The following PCDHA11 variants were observed in gnomAD, a reference collection of about 807,000 sequenced individuals.
The protein encoded by PCDHA11 is protocadherin alpha 11.
PCDHA11 carries 61 observed loss-of-function variants against 70.3 expected under a neutral mutation model. That is an observed-to-expected ratio of 0.87 (90% confidence interval 0.71 to 1.07). The LOEUF (loss-of-function observed/expected upper bound fraction) is 1.07, where lower values mean the gene tolerates loss of function less well. PCDHA11 is among the 50% of genes least tolerant of loss of function. The pLI, the probability that PCDHA11 is intolerant of heterozygous loss-of-function variation, is 0.00. For synonymous variants in PCDHA11, 633 were observed against 555.1 expected, an observed-to-expected ratio of 1.14 and a Z score of -1.97; for missense variants, 1,324 against 1,237.5, an observed-to-expected ratio of 1.07 and a Z score of -1.05.
chr5:140,951,544 G>T (rs543008494), intron 1 of PCDHA11, among the ~76,000 whole-genome samples: 1 of 151,878 alleles, frequency 6.6e-6, no homozygotes, highest in Non-Finnish European at 1.5e-5. Flanking sequence ...AGCAAGGGAC[G>T]GGGGGAAGTG....
intron 1 of PCDHA11, chr5:140,883,801 C>T (rs782690228): frequency 4.3e-6 from 7 of 1,612,430 alleles, no homozygotes; most frequent in Non-Finnish European, 5.9e-6. Context: ...TGTCGGTGCA[C>T]GCGGAGAGCG....
chr5:140,962,764 T>C (rs946789298), intron 1 of PCDHA11, among the ~76,000 whole-genome samples: 7 of 152,226 alleles, frequency 4.6e-5, no homozygotes, highest in African/African-American at 1.7e-4. Flanking sequence ...TATTCGTTTT[T>C]AACAAGATGG....
At chr5:140,989,171 G>A (rs2097331816) in intron 3 of PCDHA11, among the ~76,000 whole-genome samples, 1 of 152,116 alleles carries the variant, frequency 6.6e-6, no homozygotes, top group African/African-American at 2.4e-5. Flanking sequence ...GCATAAAACA[G>A]GAGAGTTTCT....
At position 140,877,266 on chromosome 5, in the gene PCDHA11, C is replaced by A. The variant is rs2056980298; in HGVS notation, c.2391+5772C>A. The A allele has an allele frequency of 4.3e-6, 7 of 1,613,808 alleles. No individual in the cohort carries two copies. The South Asian group carries it at 5.5e-5, about 13-fold the overall frequency. ...TGGTGGCGAAAGTGCGCGCGGTGGA[C>A]GCTGACTCCGGCTATAACGCTTGGC... On this transcript the variant is annotated intron_variant, in intron 1 of 3. Transcript: ENST00000398640.
chr5:140,977,077 C>A (rs1303374839), intron 1 of PCDHA11, among the ~76,000 whole-genome samples: 1 of 152,138 alleles, frequency 6.6e-6, no homozygotes, highest in Non-Finnish European at 1.5e-5. Context: ...AGCAGCATGA[C>A]AAATTAAATG....
At chr5:141,007,329 TTGCCTGAGCTCAG>T (rs1554261175) in intron 3 of PCDHA11, among the ~76,000 whole-genome samples, 2 of 149,734 alleles carry the variant, frequency 1.3e-5, no homozygotes. Context: ...AGTGGACAGA[TTGCCTGAGCTCAG>T]GAGTTCGAGA....
intron 1 of PCDHA11, among the ~76,000 whole-genome samples, chr5:140,889,476 C>G (rs2062241146): frequency 6.6e-6 from 1 of 152,054 alleles, no homozygotes; most frequent in South Asian, 2.1e-4. Flanking sequence ...TATGCTCATA[C>G]TTTCTACAGA....
intron 1 of PCDHA11, chr5:140,929,563 G>A: frequency 2.1e-6 from 1 of 470,088 alleles, no homozygotes; most frequent in Non-Finnish European, 3.6e-6. Context: ...ACCTATTTAA[G>A]AACAATAAAA....
At chr5:140,975,307 A>G (rs1190412792) in intron 1 of PCDHA11, among the ~76,000 whole-genome samples, 1 of 152,162 alleles carries the variant, frequency 6.6e-6, no homozygotes, top group Non-Finnish European at 1.5e-5. Context: ...AGCTCATGTG[A>G]TTATGTCAGT....
intron 1 of PCDHA11, chr5:140,883,969 G>C: frequency 6.2e-7 from 1 of 1,612,962 alleles, no homozygotes; most frequent in Non-Finnish European, 8.5e-7. Context: ...CGCTGCTGAC[G>C]CCCGGGGCTG....
At chr5:140,890,526 ATCT>A (rs2062679933) in intron 1 of PCDHA11, among the ~76,000 whole-genome samples, 1 of 151,278 alleles carries the variant, frequency 6.6e-6, no homozygotes, top group Admixed American at 6.6e-5. Flanking sequence ...TCCTTTGTTG[ATCT>A]TCTTTTGAAA....
chr5:140,886,012 T>C (rs1363937487), intron 1 of PCDHA11, among the ~76,000 whole-genome samples: 1 of 152,190 alleles, frequency 6.6e-6, no homozygotes, highest in Non-Finnish European at 1.5e-5. Context: ...TAAAGGGAGA[T>C]GCTATGTATT....
chr5:140,887,525 TC>T (rs552124664), intron 1 of PCDHA11, among the ~76,000 whole-genome samples: 1 of 152,154 alleles, frequency 6.6e-6, no homozygotes, highest in South Asian at 2.1e-4. Context: ...TATATATGAG[TC>T]TTCCTCTCCC....
chr5:140,873,537 A>G, intron 1 of PCDHA11, among the ~76,000 whole-genome samples: 1 of 152,274 alleles, frequency 6.6e-6, no homozygotes, highest in Admixed American at 6.5e-5. Flanking sequence ...TCTATGGTAT[A>G]AAATTATAAT....
rs1407210744 is a variant in PCDHA11, at chr5:140,869,745, T to C, written c.642T>C (p.Ala214=). The change falls in exon 1 of 4, where the codon GCT becomes GCC. Residue 214 remains alanine, a synonymous_variant. Coordinates refer to ENST00000398640, the MANE Select transcript of PCDHA11 (RefSeq NM_018902.5). Reference sequence around the variant, plus strand: ...CGGAACTTAATTTGCTGCTAACAGCTACAGACGGGGGAAAACCAGAGCTTA... The same window carrying C: ...CGGAACTTAATTTGCTGCTAACAGCCACAGACGGGGGAAAACCAGAGCTTA... ...KTPELNLLLT[A]TDGGKPELTG... is the part of the protein sequence containing the mutation. 1.9e-6 allele frequency: 3 copies of C among 1,613,220 alleles called. No homozygotes were observed. Among genetic ancestry groups the C allele is most frequent in the Non-Finnish European group, 2.5e-6 (3 of 1,179,820 alleles).
intron 1 of PCDHA11, among the ~76,000 whole-genome samples, chr5:140,941,077 G>C (rs2092726978): frequency 6.6e-6 from 1 of 152,068 alleles, no homozygotes; most frequent in South Asian, 2.1e-4. Context: ...CTGGAGAGTA[G>C]GTGGGTTTAG....
chr5:141,004,750 C>T (rs1205050665), intron 3 of PCDHA11, among the ~76,000 whole-genome samples: 1 of 152,112 alleles, frequency 6.6e-6, no homozygotes, highest in Non-Finnish European at 1.5e-5. Flanking sequence ...GTCTCAGTCT[C>T]TTAGAGACAG....
Position 141,011,779 on chromosome 5 carries a change from A to G in PCDHA11, c.*1842A>G, listed in dbSNP as rs1407523783. On this transcript the variant is annotated 3_prime_UTR_variant, in exon 4 of 4. Transcript: ENST00000398640. ...CTTTGAAGTTGCAGAATGCTTTGAAATTCTAATGGTATCTGAAATATCAGC... is the reference window on the plus strand; with the variant it reads ...CTTTGAAGTTGCAGAATGCTTTGAAGTTCTAATGGTATCTGAAATATCAGC... The G allele has an allele frequency of 6.5e-6, 1 of 153,778 alleles. No homozygotes were observed. Among genetic ancestry groups the G allele is most frequent in the East Asian group, 1.9e-4 (1 of 5,202 alleles). 9.5% of individuals were successfully genotyped at this position (153,778 alleles called of 1,614,324 possible).
intron 1 of PCDHA11, among the ~76,000 whole-genome samples, chr5:140,903,945 C>G (rs191892568): frequency 2.6e-5 from 4 of 152,162 alleles, no homozygotes; most frequent in Non-Finnish European, 5.9e-5. Context: ...CTCTTAAATA[C>G]TGGAAAATTA....
Sources: allele counts gnomAD v4.1 joint callset (sites outside exome capture counted in the v4.1 genomes callset), GRCh38; gene constraint gnomAD v4.1.1; transcripts MANE v1.5; gene names NCBI Gene and HGNC (gene_info 2026-07-23, HGNC 2026-07-21).